SPECC1L: variants seen among roughly 807,000 people sequenced by gnomAD.
The protein encoded by SPECC1L is sperm antigen with calponin homology and coiled-coil domains 1 like.
A neutral mutation model predicts 116.8 loss-of-function variants in SPECC1L; 40 were observed. The observed-to-expected ratio is 0.34, with a 90% confidence interval of 0.27 to 0.45. The LOEUF is 0.45. SPECC1L is among the 20% of genes least tolerant of loss of function. The pLI, the probability that SPECC1L is intolerant of heterozygous loss-of-function variation, is 1.00. For synonymous variants in SPECC1L, 504 were observed against 500.6 expected (o/e 1.01, Z -0.09); for missense variants, 1,110 against 1,373.6 (o/e 0.81, Z 3.03).
chr22:24,412,621 A>T (rs763577343), intron 15 of SPECC1L, 27 bp from the exon 16 acceptor site: 2 of 1,613,108 alleles, frequency 1.2e-6, no homozygotes. Flanking sequence ...TTGTTCATGC[A>T]CTGCAGTGAC....
intron 2 of SPECC1L, among the ~76,000 whole-genome samples, chr22:24,286,185 C>G (rs931385094): frequency 1.3e-5 from 2 of 152,164 alleles, no homozygotes; most frequent in African/African-American, 4.8e-5. Flanking sequence ...GGGTAAGCTG[C>G]AGTGAAATCT....
chr22:24,306,237 A>G (rs1174415108), intron 3 of SPECC1L, among the ~76,000 whole-genome samples: 1 of 151,576 alleles, frequency 6.6e-6, no homozygotes, highest in Non-Finnish European at 1.5e-5. Context: ...CTCAGTGGAC[A>G]TTTAGACCCT....
chr22:24,279,157 T>A (rs2048893529), intron 2 of SPECC1L, among the ~76,000 whole-genome samples: 3 of 152,198 alleles, frequency 2.0e-5, no homozygotes, highest in Admixed American at 2.0e-4. Flanking sequence ...TATTAATTAT[T>A]GAGATTGTGC....
At chr22:24,352,642 T>C (rs574800570) in intron 11 of SPECC1L, among the ~76,000 whole-genome samples, 1 of 152,348 alleles carries the variant, frequency 6.6e-6, no homozygotes, top group Non-Finnish European at 1.5e-5. Context: ...TTTTCTTTTT[T>C]ACTCTAAATC....
intron 2 of SPECC1L, among the ~76,000 whole-genome samples, chr22:24,294,102 T>TCTGTATTCTAGCCATA (rs1342971510): frequency 3.7e-5 from 2 of 54,204 alleles, no homozygotes; most frequent in African/African-American, 1.6e-4. Context: ...TTTTGACATT[T>TCTGTATTCTAGCCATA]CTGTATTCTA....
At chr22:24,372,915 A>T (rs540263860) in intron 14 of SPECC1L, among the ~76,000 whole-genome samples, 2 of 152,374 alleles carry the variant, frequency 1.3e-5, no homozygotes, top group African/African-American at 4.8e-5. Context: ...CTGATAGGCA[A>T]CTTCAGCAAA....
chr22:24,412,251 C>A, intron 15 of SPECC1L: 1 of 372,096 alleles, frequency 2.7e-6, no homozygotes, highest in Non-Finnish European at 5.2e-6. Context: ...AGCCCCCACC[C>A]CAGTCCCCTG....
intron 14 of SPECC1L, among the ~76,000 whole-genome samples, chr22:24,398,662 AC>A (rs1487698361): frequency 1.3e-5 from 2 of 152,116 alleles, no homozygotes; most frequent in Admixed American, 6.5e-5. Context: ...CTCAGATTCC[AC>A]CACATTCATC....
chr22:24,376,435 G>A (rs1249774196), intron 14 of SPECC1L, among the ~76,000 whole-genome samples: 1 of 152,142 alleles, frequency 6.6e-6, no homozygotes, highest in Non-Finnish European at 1.5e-5. Context: ...TTTACATATA[G>A]TAACAGTAAA....
At chr22:24,377,960 A>G (rs1050158105) in intron 14 of SPECC1L, among the ~76,000 whole-genome samples, 3 of 152,244 alleles carry the variant, frequency 2.0e-5, no homozygotes, top group African/African-American at 7.2e-5. Context: ...TTAGGCCCTA[A>G]TGAGAGAGAC....
chr22:24,366,319 G>A (rs1201465384), intron 13 of SPECC1L, among the ~76,000 whole-genome samples: 4 of 151,828 alleles, frequency 2.6e-5, no homozygotes, highest in African/African-American at 7.3e-5. Flanking sequence ...TCAGCCTCCC[G>A]AGTAGCTGGG....
At chr22:24,285,595 A>G (rs773940539) in intron 2 of SPECC1L, among the ~76,000 whole-genome samples, 14 of 151,944 alleles carry the variant, frequency 9.2e-5, no homozygotes, top group South Asian at 2.1e-4. Context: ...CACGTGGTCT[A>G]TGTTAAGTGT....
intron 16 of SPECC1L, among the ~76,000 whole-genome samples, chr22:24,413,883 G>C (rs191734422): frequency 6.6e-6 from 1 of 152,140 alleles, no homozygotes; most frequent in Admixed American, 6.5e-5. Flanking sequence ...CTCTCAGGCC[G>C]GCCCCTTGGG....
At chr22:24,317,549 T>TAGGGGCGGCCGGGC (rs2040614308) in intron 4 of SPECC1L, among the ~76,000 whole-genome samples, 1 of 106,402 alleles carries the variant, frequency 9.4e-6, no homozygotes, top group African/African-American at 3.6e-5. Context: ...CACTTCCCAG[T>TAGGGGCGGCCGGGC]AGGGGCGGCC....
rs1429396336 is a variant in SPECC1L at position 24,363,359 on chromosome 22, C to G, written c.2827+15C>G. The G allele has an allele frequency of 6.2e-7, 1 of 1,610,138 alleles. No individual in the cohort carries two copies. Among genetic ancestry groups the G allele is most frequent in the South Asian group, 1.1e-5 (1 of 91,008 alleles). Reference sequence around the variant, plus strand: ...GACCCTCTCAGGTGATGACTTTCATCTGAATTTTTGTTGTATTTGTTGTTT... The same window carrying G: ...GACCCTCTCAGGTGATGACTTTCATGTGAATTTTTGTTGTATTTGTTGTTT... On this transcript the variant is annotated intron_variant, in intron 12 of 16. Transcript: ENST00000314328.
At chr22:24,329,352 G>T (rs773633854) in intron 7 of SPECC1L, among the ~76,000 whole-genome samples, 33 of 152,210 alleles carry the variant, frequency 2.2e-4, no homozygotes, top group Non-Finnish European at 4.1e-4. Flanking sequence ...TTTATGGGTA[G>T]TAATTTTAGA....
intron 8 of SPECC1L, among the ~76,000 whole-genome samples, chr22:24,334,180 T>G (rs1010476717): frequency 6.6e-6 from 1 of 151,858 alleles, no homozygotes; most frequent in African/African-American, 2.4e-5. Context: ...GCCTGGCTAA[T>G]TTTTTGTATT....
intron 3 of SPECC1L, among the ~76,000 whole-genome samples, chr22:24,310,924 G>A (rs766788853): frequency 3.3e-5 from 5 of 152,068 alleles, no homozygotes; most frequent in Non-Finnish European, 7.4e-5. Flanking sequence ...GTTAGAAAAC[G>A]TTGGACTTTA....
In SPECC1L at chr22:24,407,111, C is replaced by A. The variant is rs115120720; in HGVS notation, c.3088-4477C>A. 2.6e-5 allele frequency among the ~76,000 whole-genome samples: 4 copies of A among 152,204 alleles called. No homozygotes were observed. The South Asian group carries it at 8.3e-4, about 31-fold the overall frequency. The stretch of plus-strand genomic sequence containing the variant: ...TATCACATAGGGTGCCTTGGAGCCA[C>A]GTGCAGCAGTCTGGCCTGGCTGCTC... On this transcript the variant is annotated intron_variant, in intron 14 of 16. Transcript: ENST00000314328.
Sources: allele counts gnomAD v4.1 joint callset (sites outside exome capture counted in the v4.1 genomes callset), GRCh38; gene constraint gnomAD v4.1.1; transcripts MANE v1.5; gene names NCBI Gene and HGNC (gene_info 2026-07-23, HGNC 2026-07-21).